Variants in MLXIPL observed in about 807,000 individuals in gnomAD.
The protein encoded by MLXIPL is MLX interacting protein like.
MLXIPL carries 49 observed loss-of-function variants against 81.5 expected under a neutral mutation model. The ratio of observed to expected loss-of-function variants is 0.60; its 90% CI spans 0.48 to 0.76. The LOEUF (loss-of-function observed/expected upper bound fraction) is 0.76, where lower values mean the gene tolerates loss of function less well. Ranked by LOEUF, MLXIPL falls within the 30% of genes least tolerant of loss-of-function variation. The probability of loss-of-function intolerance (pLI) is 0.00; values close to 1 mark genes in which losing one functional copy is unlikely to be tolerated. For synonymous variants in MLXIPL, 466 were observed against 485.5 expected, an observed-to-expected ratio of 0.96 and a Z score of 0.53; for missense variants, 1,053 against 1,167.0, an observed-to-expected ratio of 0.90 and a Z score of 1.42.
At chr7:73,642,705 A>G in the MLXIPL span, among the ~76,000 whole-genome samples, 1 of 152,022 alleles carries the variant, frequency 6.6e-6, no homozygotes, top group African/African-American at 2.4e-5. Flanking sequence ...CATGTTGCCC[A>G]GTCTGGTCTT....
intron 1 of MLXIPL, among the ~76,000 whole-genome samples, chr7:73,622,746 G>GT (rs1257538766): frequency 6.6e-6 from 1 of 151,728 alleles, no homozygotes; most frequent in African/African-American, 2.4e-5. Context: ...CAGCCTCTGG[G>GT]TGGGGGGGCA....
the MLXIPL span, among the ~76,000 whole-genome samples, chr7:73,647,202 G>A: frequency 2.2e-4 from 34 of 152,278 alleles, no homozygotes; most frequent in South Asian, 3.5e-3. Flanking sequence ...CAGGAGTGCC[G>A]GCCACCACTT....
At chr7:73,647,134 A>G in the MLXIPL span, among the ~76,000 whole-genome samples, 4 of 152,160 alleles carry the variant, frequency 2.6e-5, no homozygotes, top group African/African-American at 9.7e-5. Flanking sequence ...AACCCAGCCC[A>G]GAGGTGGGGG....
Position 73,624,206 on chromosome 7 carries a change from G to A in MLXIPL, c.287C>T (p.Ala96Val), listed in dbSNP as rs1554602985. 6.3e-7 allele frequency: 1 copy of A among 1,591,730 alleles called. No individual in the cohort carries two copies. The highest frequency in any genetic ancestry group is 2.3e-5 in the East Asian group (1 of 43,884). Residue 96 changes from alanine to valine, a missense_variant, in exon 1 of 17, where the codon GCC becomes GTC. By Grantham distance (64) the Ala-to-Val change is moderately conservative (BLOSUM62 0). Around this residue, in one of 3 missense-constraint regions of MLXIPL, gnomAD observed 226 missense variants for 216.2 expected, o/e 1.05. Transcript: ENST00000313375. ...GGCCCGGAACCGCCCTCACCTGTAG[G>A]CCAGGCTCAAGCACTCGAAGAGGCG... ...LTRLFECLSL[A>V]YSGKLVSPKW...
At chr7:73,638,871 C>T in the MLXIPL span, among the ~76,000 whole-genome samples, 1 of 152,284 alleles carries the variant, frequency 6.6e-6, no homozygotes, top group East Asian at 1.9e-4. Flanking sequence ...GATCCACCCA[C>T]CTCGGCCTTC....
rs1554597743 is a variant in MLXIPL at position 73,605,723 on chromosome 7, A to G, written c.866T>C (p.Leu289Pro). The G allele has an allele frequency of 6.2e-7, 1 of 1,613,746 alleles. No homozygotes were observed. Among genetic ancestry groups the G allele is most frequent in the African/African-American group, 1.3e-5 (1 of 75,018 alleles). Reference sequence around the variant, plus strand: ...CATGAAGTCATCCAGGCTTGGCTGCAGTGGCGTCAGGTCCGGCTGGATCAT... The same window carrying G: ...CATGAAGTCATCCAGGCTTGGCTGCGGTGGCGTCAGGTCCGGCTGGATCAT... ...ADMIQPDLTP[L>P]QPSLDDFMDI... Residue 289 changes from leucine to proline, a missense_variant, in exon 7 of 17, where the codon CTG (leucine) becomes CCG (proline). This residue lies in a region of MLXIPL where 823 missense variants were observed against 933.0 expected (regional missense o/e 0.88). Coordinates refer to ENST00000313375, the MANE Select transcript of MLXIPL (RefSeq NM_032951.3).
Position 73,603,947 on chromosome 7 carries a change from A to G in MLXIPL, c.901+1741T>C, listed in dbSNP as rs537174164. On this transcript the variant is annotated intron_variant, in intron 7 of 16. Coordinates refer to ENST00000313375, the MANE Select transcript of MLXIPL (RefSeq NM_032951.3). ...AAAATTGCTTTAGGCCAGACGCGGTAGCTCACACCCGTAATCCCAGCACTT... is the reference window on the plus strand; with the variant it reads ...AAAATTGCTTTAGGCCAGACGCGGTGGCTCACACCCGTAATCCCAGCACTT... 1.1e-4 allele frequency among the ~76,000 whole-genome samples: 17 copies of G among 152,246 alleles called. No homozygotes were observed. The South Asian group carries it at 3.3e-3, about 30-fold the overall frequency.
At chr7:73,615,643 G>A (rs1206465246) in intron 2 of MLXIPL, among the ~76,000 whole-genome samples, 1 of 152,082 alleles carries the variant, frequency 6.6e-6, no homozygotes, top group East Asian at 1.9e-4. Context: ...GGTCAGGCGT[G>A]GTGGCTCACG....
At chr7:73,609,473 T>C (rs1475049830) in intron 2 of MLXIPL, 1 of 152,144 alleles carries the variant, frequency 6.6e-6, no homozygotes, top group African/African-American at 2.4e-5. Context: ...CTCAAACTCC[T>C]GACCTCAAAT....
intron 2 of MLXIPL, among the ~76,000 whole-genome samples, chr7:73,613,698 C>A (rs782433984): frequency 2.0e-5 from 3 of 152,204 alleles, no homozygotes; most frequent in African/African-American, 7.2e-5. Flanking sequence ...CAAGCCCACA[C>A]AGTTAGGACA....
chr7:73,646,121 C>T, the MLXIPL span, among the ~76,000 whole-genome samples: 5 of 152,310 alleles, frequency 3.3e-5, no homozygotes, highest in South Asian at 1.0e-3. Flanking sequence ...ATGATGGCCT[C>T]TCCCAGCCCC....
Position 73,593,257 on chromosome 7 carries a change from CCACA to C in MLXIPL, c.*604_*607del, listed in dbSNP as rs111426122. 183 of 161,408 alleles carry C rather than the reference CCACA, an allele frequency of 1.1e-3. No homozygotes were observed. Among genetic ancestry groups the C allele is most frequent in the South Asian group, 8.6e-3 (50 of 5,816 alleles). The allele number at this position is 161,408 out of a possible 1,614,324, so 10.0% of individuals were successfully genotyped here. On this transcript the variant is annotated 3_prime_UTR_variant, in exon 17 of 17. Coordinates refer to ENST00000313375, the MANE Select transcript of MLXIPL (RefSeq NM_032951.3). ...CTTTACAAAACCCACACACACACAT[CCACA>C]CACACACACACACATGATGCCTGCC... is the stretch of plus-strand genomic sequence containing the variant.
chr7:73,614,501 C>T (rs1421263242), intron 2 of MLXIPL, among the ~76,000 whole-genome samples: 2 of 152,138 alleles, frequency 1.3e-5, no homozygotes, highest in African/African-American at 2.4e-5. Flanking sequence ...TGAAATCCAG[C>T]GGGGCGAGGA....
the MLXIPL span, among the ~76,000 whole-genome samples, chr7:73,630,582 T>C: frequency 2.0e-5 from 3 of 152,146 alleles, no homozygotes; most frequent in Non-Finnish European, 4.4e-5. Context: ...CGTGTGCCAC[T>C]GTGCCCGGCC....
the MLXIPL span, among the ~76,000 whole-genome samples, chr7:73,643,495 C>T: frequency 7.8e-5 from 11 of 141,218 alleles, no homozygotes; most frequent in East Asian, 2.1e-3. Context: ...GCCTGGGCGA[C>T]AGAGCGAGAC....
Position 73,599,681 on chromosome 7 carries a change from A to C in MLXIPL, c.916T>G (p.Ser306Ala), listed in dbSNP as rs1282736173. 1.1e-5 allele frequency: 17 copies of C among 1,605,910 alleles called. No individual in the cohort carries two copies. In the East Asian group the frequency reaches 3.6e-4, roughly 34 times the overall value. ...GGCATGGGCGGCTGTGGGAGGCGGG[A>C]GTTGGTAAAGAAATCTGTAATTCAG... ...FMDISDFFTN[S>A]RLPQPPMPSN... The change falls in exon 8 of 17, where the codon TCC becomes GCC. Residue 306 changes from serine to alanine, a missense_variant. This residue lies in a region of MLXIPL where 823 missense variants were observed against 933.0 expected (regional missense o/e 0.88). Transcript: ENST00000313375.
At position 73,624,392 on chromosome 7, in the gene MLXIPL, A is replaced by G. The variant is rs2116547679; in HGVS notation, c.101T>C (p.Leu34Pro). 1 of 1,567,358 alleles carries G rather than the reference A, an allele frequency of 6.4e-7. No individual in the cohort carries two copies. Among genetic ancestry groups the G allele is most frequent in the Non-Finnish European group, 8.6e-7 (1 of 1,162,216 alleles). The part of the protein sequence containing the change: ...DSDTDSEDPS[L>P]RRSAGGLLRS... ...GAGCAAGCCGCCCGCGCTGCGCCGG[A>G]GACTCGGGTCCTCCGAGTCTGTGTC... Residue 34 changes from leucine (L) to proline (P), a missense_variant, in exon 1 of 17, where the codon CTC becomes CCC. Leu to Pro is a moderately conservative substitution (Grantham distance 98, BLOSUM62 -3). Coordinates refer to ENST00000313375, the MANE Select transcript of MLXIPL (RefSeq NM_032951.3).
At chr7:73,607,280 G>T (rs1282660220) in intron 4 of MLXIPL, 51 bp downstream of exon 4, 5 of 1,516,284 alleles carry the variant, frequency 3.3e-6, no homozygotes, top group Non-Finnish European at 4.5e-6. Context: ...GGCGGTAGCC[G>T]GCAGCCGCAG....
chr7:73,644,689 T>A, the MLXIPL span, among the ~76,000 whole-genome samples: 34 of 151,984 alleles, frequency 2.2e-4, no homozygotes, highest in Admixed American at 3.9e-4. Flanking sequence ...CTGGTCGACA[T>A]CTCTGATTAC....
Sources: allele counts gnomAD v4.1 joint callset (sites outside exome capture counted in the v4.1 genomes callset), GRCh38; gene constraint gnomAD v4.1.1; regional missense constraint gnomAD v4.1.1; transcripts MANE v1.5; gene names NCBI Gene and HGNC (gene_info 2026-07-23, HGNC 2026-07-21).